Variants in MACROD1 observed in about 807,000 individuals in gnomAD.
MACROD1 encodes the protein ADP-ribose glycohydrolase MACROD1.
A neutral mutation model predicts 41.4 loss-of-function variants in MACROD1; 31 were observed. The observed-to-expected ratio is 0.75, with a 90% confidence interval of 0.56 to 1.01. MACROD1 has a LOEUF of 1.01. Ranked by LOEUF, MACROD1 falls within the 50% of genes least tolerant of loss-of-function variation. MACROD1 has a pLI of 0.00. For synonymous variants in MACROD1, 252 were observed against 203.4 expected (o/e 1.24, Z -2.03); for missense variants, 473 against 460.0 (o/e 1.03, Z -0.26).
In MACROD1 at chr11:64,036,761, C is replaced by G. The variant is rs954487763; in HGVS notation, c.518-21480G>C. On this transcript the variant is annotated intron_variant, in intron 3 of 10. Transcript: ENST00000255681. This position sits in a 1 kb window ranked among gnomAD's most constrained non-coding sequence, Gnocchi z 5.6. Reference sequence around the variant, plus strand: ...CCGGGCGGGGGCTGGGGCCGTACACCTGGCGGCTGGAACGGTGAGACCATG... The same window carrying G: ...CCGGGCGGGGGCTGGGGCCGTACACGTGGCGGCTGGAACGGTGAGACCATG... Among the ~76,000 whole-genome samples, 1 of 152,230 alleles carries G rather than the reference C, an allele frequency of 6.6e-6. No homozygotes were observed. The highest frequency in any genetic ancestry group is 6.5e-5 in the Admixed American group (1 of 15,286).
chr11:64,103,985 C>G (rs1230891826), intron 3 of MACROD1: 1 of 152,360 alleles, frequency 6.6e-6, no homozygotes, highest in Admixed American at 6.5e-5. Flanking sequence ...CTGGGGAGCC[C>G]CAGTGCTGCC....
intron 3 of MACROD1, among the ~76,000 whole-genome samples, chr11:64,107,647 T>A (rs1944787127): frequency 6.6e-6 from 1 of 152,224 alleles, no homozygotes; most frequent in South Asian, 2.1e-4. Flanking sequence ...CCAGCCCCCA[T>A]GCATCACAAG....
At chr11:64,054,765 T>G (rs1254781141) in intron 3 of MACROD1, among the ~76,000 whole-genome samples, 1 of 152,086 alleles carries the variant, frequency 6.6e-6, no homozygotes, top group Non-Finnish European at 1.5e-5. Flanking sequence ...GGCCAGCCCC[T>G]TCCTGCCTTG....
intron 3 of MACROD1, chr11:64,138,453 T>A: frequency 2.1e-6 from 2 of 947,802 alleles, no homozygotes; most frequent in Non-Finnish European, 2.5e-6. Context: ...GCTTCGTAGA[T>A]TTTAATGTTC....
chr11:64,138,184 C>A (rs548941198), intron 3 of MACROD1, among the ~76,000 whole-genome samples: 8 of 152,194 alleles, frequency 5.3e-5, no homozygotes, highest in Admixed American at 5.2e-4. Flanking sequence ...CTGTCCCATG[C>A]GCACCGGAAG....
At chr11:64,055,576 T>C (rs1943770393) in intron 3 of MACROD1, among the ~76,000 whole-genome samples, 1 of 152,148 alleles carries the variant, frequency 6.6e-6, no homozygotes, top group South Asian at 2.1e-4. Context: ...AAGGGGACTT[T>C]CTCTGTCCCT....
chr11:63,999,743 G>A lies in MACROD1; in HGVS notation c.685C>T (p.Pro229Ser), dbSNP rs1402974789. 6.2e-7 allele frequency: 1 copy of A among 1,607,212 alleles called. No homozygotes were observed. The highest frequency in any genetic ancestry group is 8.5e-7 in the Non-Finnish European group (1 of 1,179,448). Residue 229 changes from proline to serine, a missense_variant, in exon 6 of 11, where the codon CCC becomes TCC. Physicochemically the swap from Pro to Ser is moderately conservative, Grantham distance 74 (BLOSUM62 -1). Coordinates refer to ENST00000255681, the MANE Select transcript of MACROD1 (RefSeq NM_014067.4). ...PAKYVIHTVG[P>S]IAYGEPSASQ... ...GCGCTGGGCTCCCCGTAGGCGATGGGCCCCACTGTGTGGATGACGTCTACG... is the reference window on the plus strand; with the variant it reads ...GCGCTGGGCTCCCCGTAGGCGATGGACCCCACTGTGTGGATGACGTCTACG...
intron 3 of MACROD1, among the ~76,000 whole-genome samples, chr11:64,088,891 G>C (rs1176745320): frequency 1.3e-5 from 2 of 152,128 alleles, no homozygotes; most frequent in African/African-American, 4.8e-5. Context: ...TATTGAAGGT[G>C]CGGTTCACAA....
chr11:64,157,372 G>A (rs1351016881), intron 1 of MACROD1, among the ~76,000 whole-genome samples: 1 of 152,188 alleles, frequency 6.6e-6, no homozygotes, highest in East Asian at 1.9e-4. Flanking sequence ...GGGATTACAG[G>A]CGTGAGCCAC....
intron 3 of MACROD1, among the ~76,000 whole-genome samples, chr11:64,056,912 C>T (rs536308563): frequency 1.3e-5 from 2 of 152,322 alleles, no homozygotes; most frequent in African/African-American, 4.8e-5. Flanking sequence ...CTGCACCCAT[C>T]GGGCTGACAC....
chr11:64,152,114 A>C (rs533448080), intron 2 of MACROD1, among the ~76,000 whole-genome samples, 178 bp downstream of exon 2: 14 of 152,350 alleles, frequency 9.2e-5, no homozygotes, highest in African/African-American at 3.1e-4. Context: ...GCGCAAAAAG[A>C]GTGAAATTCC....
intron 3 of MACROD1, among the ~76,000 whole-genome samples, chr11:64,047,170 AC>A (rs1317851987): frequency 7.9e-5 from 12 of 151,636 alleles, no homozygotes; most frequent in Admixed American, 2.0e-4. Flanking sequence ...GCCTGCCTCC[AC>A]CCACCTGTGG....
chr11:64,072,124 G>A (rs927009289), intron 3 of MACROD1, among the ~76,000 whole-genome samples: 7 of 152,224 alleles, frequency 4.6e-5, no homozygotes, highest in African/African-American at 7.2e-5. Context: ...GGCCTGCCCC[G>A]GCTGGCAGCC....
At chr11:64,138,771 ATT>A (rs1185077560) in intron 3 of MACROD1, among the ~76,000 whole-genome samples, 3 of 142,840 alleles carry the variant, frequency 2.1e-5, no homozygotes, top group African/African-American at 2.6e-5. Flanking sequence ...ACTGATGGGG[ATT>A]TTTTTTTTTT....
At chr11:64,143,466 A>G (rs1349326298) in intron 3 of MACROD1, among the ~76,000 whole-genome samples, 2 of 152,100 alleles carry the variant, frequency 1.3e-5, no homozygotes, top group Non-Finnish European at 1.5e-5. Context: ...CCGGAGCTCC[A>G]TGGGGCATGC....
intron 1 of MACROD1, among the ~76,000 whole-genome samples, chr11:64,160,034 AAGCTGGGCCATG>A (rs1423197686): frequency 1.7e-4 from 26 of 152,218 alleles, no homozygotes; most frequent in African/African-American, 5.8e-4. Context: ...CTTGGAGGAC[AAGCTGGGCCATG>A]GGCTGGGCAT....
rs1332498912 is a variant in MACROD1, at chr11:64,082,255, G to T, written c.518-66974C>A. Among the ~76,000 whole-genome samples the T allele has an allele frequency of 6.6e-6, 1 of 152,146 alleles. No homozygotes were observed. Among genetic ancestry groups the T allele is most frequent in the Non-Finnish European group, 1.5e-5 (1 of 68,016 alleles). On this transcript the variant is annotated intron_variant, in intron 3 of 10. Coordinates refer to ENST00000255681, the MANE Select transcript of MACROD1 (RefSeq NM_014067.4). The surrounding 1 kb of genome is among the most constrained non-coding windows in gnomAD (Gnocchi z 4.5). Reference sequence around the variant, plus strand: ...ACTGGGCCCCTGCTTAGCAGAGGATGGCTGAGCCTGGGGGGTGGAGAAAAT... The same window carrying T: ...ACTGGGCCCCTGCTTAGCAGAGGATTGCTGAGCCTGGGGGGTGGAGAAAAT...
chr11:64,154,570 C>T (rs975888791), intron 1 of MACROD1, among the ~76,000 whole-genome samples: 3 of 152,170 alleles, frequency 2.0e-5, no homozygotes, highest in Admixed American at 6.5e-5. Context: ...TGCATTCAAA[C>T]GCCGGTCCTC....
chr11:64,086,728 C>T (rs746932303), intron 3 of MACROD1, among the ~76,000 whole-genome samples: 2 of 152,148 alleles, frequency 1.3e-5, no homozygotes, highest in Non-Finnish European at 2.9e-5. Context: ...GGAAGGTTCT[C>T]GTGCTCACAG....
Sources: allele counts gnomAD v4.1 joint callset (sites outside exome capture counted in the v4.1 genomes callset), GRCh38; gene constraint gnomAD v4.1.1; non-coding constraint Gnocchi (gnomAD v3.1); transcripts MANE v1.5; gene names NCBI Gene and HGNC (gene_info 2026-07-23, HGNC 2026-07-21).